Variants in PCCA observed in about 807,000 individuals in gnomAD.
The protein encoded by PCCA is propionyl-CoA carboxylase subunit alpha, also known as propionyl-CoA carboxylase alpha chain, mitochondrial.
In PCCA, 74 loss-of-function variants were observed where a neutral mutation model predicts 101.3. The ratio of observed to expected loss-of-function variants is 0.73; its 90% confidence interval spans 0.61 to 0.89. The LOEUF is 0.89. PCCA is among the 40% of genes least tolerant of loss of function. The probability of loss-of-function intolerance (pLI) is 0.00; values close to 1 mark genes in which losing one functional copy is unlikely to be tolerated. For missense variants in PCCA, 891 were observed against 907.0 expected, an observed-to-expected ratio of 0.98 and a Z score of 0.23; for synonymous variants, 294 against 313.6, an observed-to-expected ratio of 0.94 and a Z score of 0.66.
intron 19 of PCCA, among the ~76,000 whole-genome samples, chr13:100,400,414 A>G (rs2077269108): frequency 6.6e-6 from 1 of 152,190 alleles, no homozygotes. Context: ...GCGCTTATGT[A>G]TAAATGAGTT....
At chr13:100,488,647 T>TTG (rs1222137668) in intron 21 of PCCA, among the ~76,000 whole-genome samples, 2 of 139,412 alleles carry the variant, frequency 1.4e-5, no homozygotes, top group East Asian at 4.6e-4. Flanking sequence ...TTTTTTTGTT[T>TTG]TTTTTTTTTA....
At chr13:100,289,587 CT>C (rs1272746947) in intron 12 of PCCA, among the ~76,000 whole-genome samples, 1 of 150,716 alleles carries the variant, frequency 6.6e-6, no homozygotes, top group Non-Finnish European at 1.5e-5. Flanking sequence ...TTTGTTTTTC[CT>C]TTTCTGTTTG....
At chr13:100,345,812 G>T (rs928519385) in intron 18 of PCCA, among the ~76,000 whole-genome samples, 1 of 152,142 alleles carries the variant, frequency 6.6e-6, no homozygotes, top group African/African-American at 2.4e-5. Context: ...ACTTGAAGTA[G>T]AAGCCAGTGC....
intron 6 of PCCA, among the ~76,000 whole-genome samples, chr13:100,204,694 C>A (rs1371730429): frequency 6.6e-6 from 1 of 152,132 alleles, no homozygotes; most frequent in Non-Finnish European, 1.5e-5. Flanking sequence ...CCAACCCTTT[C>A]CCCCATTCTT....
intron 20 of PCCA, among the ~76,000 whole-genome samples, chr13:100,448,448 C>G (rs1451632397): frequency 6.6e-6 from 1 of 152,190 alleles, no homozygotes; most frequent in Non-Finnish European, 1.5e-5. Flanking sequence ...GCCTCAACCT[C>G]CCAGAGTGCT....
In PCCA at chr13:100,456,818, C is replaced by G. The variant is rs570814982; in HGVS notation, c.1899+7513C>G. On this transcript the variant is annotated intron_variant, in intron 21 of 23. Coordinates refer to ENST00000376285, the MANE Select transcript of PCCA (RefSeq NM_000282.4). ...CATGAAAGTGGACAAGGAGCGTGAC[C>G]GTTGAAGCACAGCATCACAGGGAGG... Among the ~76,000 whole-genome samples, 730 of 152,236 alleles carry G rather than the reference C, an allele frequency of 4.8e-3. 4 individuals carry two copies. The highest frequency in any genetic ancestry group is 0.023 in the South Asian group (110 of 4,828).
chr13:100,179,715 GTTTATTTT>G (rs529794406), intron 6 of PCCA, among the ~76,000 whole-genome samples: 26,806 of 151,874 alleles, frequency 0.18, 2,507 homozygotes, highest in Middle Eastern at 0.23. Flanking sequence ...TCCCACAATG[GTTTATTTT>G]CCTGTCTGTG....
chr13:100,300,981 C>T (rs765586252), intron 12 of PCCA, among the ~76,000 whole-genome samples: 2 of 152,234 alleles, frequency 1.3e-5, no homozygotes, highest in Non-Finnish European at 2.9e-5. Flanking sequence ...CAAGATTACA[C>T]TAATCTGGCT....
chr13:100,233,881 T>C (rs1311118792), intron 7 of PCCA, among the ~76,000 whole-genome samples: 2 of 152,208 alleles, frequency 1.3e-5, no homozygotes, highest in Non-Finnish European at 2.9e-5. Context: ...AATTTTTAAT[T>C]TGCTGTGTCA....
At chr13:100,457,102 C>T (rs1464373256) in intron 21 of PCCA, among the ~76,000 whole-genome samples, 1 of 151,898 alleles carries the variant, frequency 6.6e-6, no homozygotes, top group African/African-American at 2.4e-5. Flanking sequence ...CTATGCCCGC[C>T]GGTTATTCCT....
At chr13:100,476,406 A>G (rs1043328169) in intron 21 of PCCA, among the ~76,000 whole-genome samples, 1 of 152,204 alleles carries the variant, frequency 6.6e-6, no homozygotes, top group Non-Finnish European at 1.5e-5. Context: ...GAGACCACCT[A>G]CATGTGTTTG....
At chr13:100,421,230 T>C (rs1217227544) in intron 19 of PCCA, among the ~76,000 whole-genome samples, 1 of 152,018 alleles carries the variant, frequency 6.6e-6, no homozygotes, top group East Asian at 1.9e-4. Context: ...TAATGTACTG[T>C]ATGTATATAT....
intron 6 of PCCA, among the ~76,000 whole-genome samples, chr13:100,198,921 T>A (rs1348090002): frequency 6.6e-6 from 1 of 151,914 alleles, no homozygotes; most frequent in Admixed American, 6.6e-5. Context: ...ACAATTTTTT[T>A]TTTTTTTTTT....
chr13:100,188,336 G>A (rs59693000), intron 6 of PCCA, among the ~76,000 whole-genome samples: 19,063 of 119,534 alleles, frequency 0.16, 1,354 homozygotes, highest in Middle Eastern at 0.21. Context: ...AAAACACAAA[G>A]AAAGAAAGAA....
chr13:100,150,884 C>T (rs1389507790), intron 4 of PCCA: 80 of 1,556,460 alleles, frequency 5.1e-5, no homozygotes, highest in South Asian at 1.2e-4. Context: ...TGGGCGTTTT[C>T]GGCCACCACG....
At chr13:100,494,288 G>T (rs1226600314) in intron 21 of PCCA, among the ~76,000 whole-genome samples, 1 of 152,236 alleles carries the variant, frequency 6.6e-6, no homozygotes, top group African/African-American at 2.4e-5. Context: ...GATGTGGGTT[G>T]TTATCTAACA....
chr13:100,139,844 A>T (rs888893084), intron 4 of PCCA, among the ~76,000 whole-genome samples: 1 of 151,360 alleles, frequency 6.6e-6, no homozygotes, highest in African/African-American at 2.4e-5. Context: ...TCTTTTTAGG[A>T]TGTTAATATT....
chr13:100,475,455 T>A (rs766271001), intron 21 of PCCA, among the ~76,000 whole-genome samples: 4 of 152,226 alleles, frequency 2.6e-5, no homozygotes, highest in Non-Finnish European at 4.4e-5. Flanking sequence ...CATACTGGTA[T>A]CCACATTGTA....
chr13:100,123,273 T>C (rs533388299), intron 4 of PCCA, among the ~76,000 whole-genome samples: 1 of 152,270 alleles, frequency 6.6e-6, no homozygotes, highest in South Asian at 2.1e-4. Flanking sequence ...CAGGCTGGTC[T>C]CAAACTACTG....
Sources: allele counts gnomAD v4.1 joint callset (sites outside exome capture counted in the v4.1 genomes callset), GRCh38; gene constraint gnomAD v4.1.1; transcripts MANE v1.5; gene names NCBI Gene and HGNC (gene_info 2026-07-23, HGNC 2026-07-21).